The following FRMD4A variants were observed in gnomAD, a reference collection of about 807,000 sequenced individuals.
FRMD4A encodes FERM domain-containing protein 4A.
FRMD4A carries 29 observed loss-of-function variants against 129.1 expected under a neutral mutation model. That is an observed-to-expected ratio of 0.22 (90% CI 0.17 to 0.31). The LOEUF (loss-of-function observed/expected upper bound fraction) is 0.31, where lower values mean the gene tolerates loss of function less well. Ranked by LOEUF, FRMD4A falls within the 10% of genes least tolerant of loss-of-function variation. FRMD4A has a pLI of 1.00. For synonymous variants in FRMD4A, 634 were observed against 571.6 expected (o/e 1.11, Z -1.56); for missense variants, 1,272 against 1,375.8 (o/e 0.92, Z 1.19).
chr10:13,700,448 G>A (rs2086698700), intron 14 of FRMD4A, among the ~76,000 whole-genome samples: 2 of 152,214 alleles, frequency 1.3e-5, no homozygotes, highest in Admixed American at 1.3e-4. Flanking sequence ...ACGCGATGGA[G>A]GGAAATCCTC....
At chr10:14,072,701 G>A (rs3101355) in intron 2 of FRMD4A, among the ~76,000 whole-genome samples, 3,519 of 152,202 alleles carry the variant, frequency 0.023, 123 homozygotes, top group African/African-American at 0.078. Flanking sequence ...TTTTTTAGAA[G>A]AGAAGAAACC....
At chr10:13,805,711 C>T (rs751296229) in intron 4 of FRMD4A, among the ~76,000 whole-genome samples, 1 of 152,074 alleles carries the variant, frequency 6.6e-6, no homozygotes, top group Non-Finnish European at 1.5e-5. Flanking sequence ...GTTGTTGAGA[C>T]GAGGTCTCAC....
intron 14 of FRMD4A, among the ~76,000 whole-genome samples, chr10:13,699,151 G>A (rs1487115805): frequency 2.0e-5 from 3 of 148,524 alleles, no homozygotes; most frequent in Non-Finnish European, 4.4e-5. Flanking sequence ...TGCCTCCTGG[G>A]TTCAAGCAAT....
At chr10:13,694,706 G>A (rs2086049731) in intron 14 of FRMD4A, among the ~76,000 whole-genome samples, 1 of 152,158 alleles carries the variant, frequency 6.6e-6, no homozygotes, top group South Asian at 2.1e-4. Context: ...GCCAGGTGTG[G>A]TAGTGCATGC....
At chr10:14,251,753 C>T (rs1844448926) in intron 2 of FRMD4A, among the ~76,000 whole-genome samples, 1 of 152,204 alleles carries the variant, frequency 6.6e-6, no homozygotes, top group Admixed American at 6.5e-5. Flanking sequence ...CATACCCCAG[C>T]TCCAACACTG....
At chr10:13,855,206 C>T (rs986021831) in intron 3 of FRMD4A, among the ~76,000 whole-genome samples, 6 of 152,032 alleles carry the variant, frequency 3.9e-5, no homozygotes, top group Non-Finnish European at 5.9e-5. Flanking sequence ...TCGGAGTGGC[C>T]GAGTTTACAG....
chr10:14,203,066 C>A (rs770680398), intron 2 of FRMD4A, among the ~76,000 whole-genome samples: 1 of 152,194 alleles, frequency 6.6e-6, no homozygotes, highest in South Asian at 2.1e-4. Flanking sequence ...AGCCACCGTG[C>A]CTGGCCACAA....
At chr10:13,893,439 T>C (rs1256453123) in intron 2 of FRMD4A, among the ~76,000 whole-genome samples, 2 of 152,180 alleles carry the variant, frequency 1.3e-5, no homozygotes, top group Non-Finnish European at 2.9e-5. Flanking sequence ...TATTGTTTCT[T>C]TGCACGCAGA....
At position 14,196,028 on chromosome 10, in the gene FRMD4A, T is replaced by A. The variant is rs17154824; in HGVS notation, c.45+134030A>T. 7.0e-3 allele frequency among the ~76,000 whole-genome samples: 1,070 copies of A among 152,278 alleles called. 6 individuals carry two copies. The highest frequency in any genetic ancestry group is 0.03 in the East Asian group (154 of 5,176). ...GTGGAGGCAGGACATGAACAAAGGC[T>A]TTTCCAGATAAGGCAAGTCAATTAA... On this transcript the variant is annotated intron_variant, in intron 2 of 24. Transcript: ENST00000357447.
chr10:13,902,631 G>C (rs2094834257), intron 2 of FRMD4A, among the ~76,000 whole-genome samples: 1 of 151,940 alleles, frequency 6.6e-6, no homozygotes, highest in African/African-American at 2.4e-5. Context: ...CTTGAGGTCA[G>C]GAGTTCAAGA....
intron 2 of FRMD4A, among the ~76,000 whole-genome samples, chr10:14,165,818 A>T (rs1841144685): frequency 2.0e-5 from 3 of 152,214 alleles, no homozygotes. Context: ...ACTCATGGAC[A>T]TAAAGATGGG....
At chr10:13,922,893 A>T (rs2095089489) in intron 2 of FRMD4A, among the ~76,000 whole-genome samples, 1 of 152,222 alleles carries the variant, frequency 6.6e-6, no homozygotes, top group African/African-American at 2.4e-5. Context: ...GTCTGCAATA[A>T]ATAGACTGTA....
chr10:14,241,683 T>TGAAAAAAAAAAAAA, intron 2 of FRMD4A, among the ~76,000 whole-genome samples: 1 of 23,416 alleles, frequency 4.3e-5, no homozygotes, highest in South Asian at 1.9e-3. Context: ...TTACCCTCCC[T>TGAAAAAAAAAAAAA]AAAAAAAAAA....
chr10:14,308,165 T>G (rs915931082), intron 2 of FRMD4A, among the ~76,000 whole-genome samples: 1 of 152,258 alleles, frequency 6.6e-6, no homozygotes, highest in African/African-American at 2.4e-5. Flanking sequence ...ATGAAGCCAG[T>G]TTTGAAGAGC....
chr10:14,129,361 A>T (rs1839103739), intron 2 of FRMD4A, among the ~76,000 whole-genome samples: 1 of 124,924 alleles, frequency 8.0e-6, no homozygotes, highest in Admixed American at 8.7e-5. Flanking sequence ...AAAACAACAC[A>T]ATTATGATTC....
At chr10:14,064,515 C>A (rs1272109783) in intron 2 of FRMD4A, among the ~76,000 whole-genome samples, 1 of 152,170 alleles carries the variant, frequency 6.6e-6, no homozygotes, top group Non-Finnish European at 1.5e-5. Flanking sequence ...CTTTTCCAGG[C>A]TCTATGCTGA....
intron 3 of FRMD4A, among the ~76,000 whole-genome samples, chr10:13,836,154 C>T (rs1237186261): frequency 6.6e-6 from 1 of 152,220 alleles, no homozygotes; most frequent in African/African-American, 2.4e-5. Flanking sequence ...TGAGCTACCA[C>T]ACCTGGCTAA....
intron 2 of FRMD4A, among the ~76,000 whole-genome samples, chr10:14,125,165 C>T (rs1298169406): frequency 6.6e-6 from 1 of 152,154 alleles, no homozygotes; most frequent in Admixed American, 6.5e-5. Flanking sequence ...AACGCATGCA[C>T]CATGATCACC....
chr10:13,713,829 C>A (rs2088309719), intron 12 of FRMD4A, among the ~76,000 whole-genome samples: 1 of 54,476 alleles, frequency 1.8e-5, no homozygotes, highest in Non-Finnish European at 3.0e-5. Context: ...AATATATATA[C>A]ATATATGTAA....
Sources: allele counts gnomAD v4.1 joint callset (sites outside exome capture counted in the v4.1 genomes callset), GRCh38; gene constraint gnomAD v4.1.1; transcripts MANE v1.5; gene names NCBI Gene and HGNC (gene_info 2026-07-23, HGNC 2026-07-21).